The following TRIO variants were observed in gnomAD, a reference collection of about 807,000 sequenced individuals.
The protein encoded by TRIO is triple functional domain protein.
Under a neutral mutation model 351.9 loss-of-function variants are expected in TRIO, and 58 were observed. That is an observed-to-expected ratio of 0.16 (90% CI 0.13 to 0.21). The LOEUF (loss-of-function observed/expected upper bound fraction) is 0.21, where lower values mean the gene tolerates loss of function less well. TRIO is among the 10% of genes least tolerant of loss of function. The pLI is 1.00. For synonymous variants in TRIO, 1,758 were observed against 1,595.7 expected (o/e 1.10, Z -2.42); for missense variants, 3,201 against 4,027.8 (o/e 0.79, Z 5.56).
chr5:14,270,125 C>T (rs145476838), intron 1 of TRIO, among the ~76,000 whole-genome samples: 4 of 152,346 alleles, frequency 2.6e-5, no homozygotes, highest in Non-Finnish European at 4.4e-5. Context: ...TTGCCTATTG[C>T]ATGCTCCTTT....
At chr5:14,488,553 T>C (rs2126642878) in intron 48 of TRIO, 1 of 524,482 alleles carries the variant, frequency 1.9e-6, no homozygotes, top group Non-Finnish European at 3.3e-6. Context: ...GGAACTTTCT[T>C]TTTTAACCTC....
At chr5:14,148,084 A>T (rs1032133408) in intron 1 of TRIO, among the ~76,000 whole-genome samples, 10 of 152,334 alleles carry the variant, frequency 6.6e-5, no homozygotes, top group African/African-American at 2.2e-4. Context: ...AAACCGACAT[A>T]TTGATGTGGG....
Position 14,280,316 on chromosome 5 carries a change from T to C in TRIO, c.233-6T>C. 6.2e-7 allele frequency: 1 copy of C among 1,613,488 alleles called. No individual in the cohort carries two copies. Among genetic ancestry groups the C allele is most frequent in the Non-Finnish European group, 8.5e-7 (1 of 1,179,378 alleles). On this transcript the variant is annotated splice_region_variant and splice_polypyrimidine_tract_variant and intron_variant, in intron 2 of 56. Transcript: ENST00000344204. ...TCTAAGTGTATTCCTAATGTTTGTT[T>C]TTTAGGTGGGAGAGATAAACGTGGA... is the stretch of plus-strand genomic sequence containing the variant.
chr5:14,205,358 A>G (rs561625941), intron 1 of TRIO, among the ~76,000 whole-genome samples: 1 of 152,272 alleles, frequency 6.6e-6, no homozygotes, highest in Non-Finnish European at 1.5e-5. Flanking sequence ...CCCGTAATGT[A>G]GCAGCTAACA....
chr5:14,211,965 A>C (rs1791933012), intron 1 of TRIO, among the ~76,000 whole-genome samples: 1 of 7,606 alleles, frequency 1.3e-4, no homozygotes, highest in African/African-American at 2.1e-4. Context: ...AAAAAAAACC[A>C]AAAAAACAAA....
chr5:14,386,174 G>T (rs1268196972), intron 21 of TRIO, among the ~76,000 whole-genome samples: 1 of 152,190 alleles, frequency 6.6e-6, no homozygotes, highest in East Asian at 1.9e-4. Flanking sequence ...CTAAGAGAGT[G>T]GCGTTTATTT....
chr5:14,328,835 G>A (rs944223182), intron 9 of TRIO, among the ~76,000 whole-genome samples: 8 of 152,144 alleles, frequency 5.3e-5, no homozygotes, highest in African/African-American at 1.9e-4. Flanking sequence ...GAAATGGAGG[G>A]GTGGAAATGA....
At chr5:14,403,035 A>AGGGTAC (rs1748230160) in intron 31 of TRIO, among the ~76,000 whole-genome samples, 1 of 114,738 alleles carries the variant, frequency 8.7e-6, no homozygotes, top group Admixed American at 8.3e-5. Flanking sequence ...TGTGGTGGTG[A>AGGGTAC]AGGTGCAGGT....
chr5:14,509,945 T>A lies in TRIO; in HGVS notation c.*1523T>A, dbSNP rs1445932047. On this transcript the variant is annotated 3_prime_UTR_variant, in exon 57 of 57. Transcript: ENST00000344204. Reference sequence around the variant, plus strand: ...CTTCCAGTGTATTTTATTTATTCTTTTGTTGGGTTTTTGTTTGTTTCTTCT... The same window carrying A: ...CTTCCAGTGTATTTTATTTATTCTTATGTTGGGTTTTTGTTTGTTTCTTCT... 6.6e-6 allele frequency: 1 copy of A among 152,264 alleles called. No homozygotes were observed. Among genetic ancestry groups the A allele is most frequent in the Non-Finnish European group, 1.5e-5 (1 of 68,052 alleles). 9.4% of individuals were successfully genotyped at this position (152,264 alleles called of 1,614,324 possible).
chr5:14,207,463 TACACACAC>T (rs70964545), intron 1 of TRIO, among the ~76,000 whole-genome samples: 268 of 23,110 alleles, frequency 0.012, 11 homozygotes, highest in African/African-American at 0.036. Flanking sequence ...ACTGTCTCTC[TACACACAC>T]ACACACACAC....
chr5:14,194,641 G>C (rs1251666913), intron 1 of TRIO, among the ~76,000 whole-genome samples: 1 of 152,216 alleles, frequency 6.6e-6, no homozygotes, highest in Non-Finnish European at 1.5e-5. Context: ...TGAATATTTA[G>C]TCATTGCCAG....
chr5:14,187,632 G>A (rs949985613), intron 1 of TRIO, among the ~76,000 whole-genome samples: 26 of 152,272 alleles, frequency 1.7e-4, no homozygotes, highest in African/African-American at 4.8e-4. Context: ...GAGCAAAAGC[G>A]AATATTTCTA....
rs76146865 is a variant in TRIO, at chr5:14,187,142, C to T, written c.157+43260C>T. Among the ~76,000 whole-genome samples, 10 of 152,256 alleles carry T rather than the reference C, an allele frequency of 6.6e-5. No homozygotes were observed. In the East Asian group the frequency reaches 1.7e-3, roughly 26 times the overall value. On this transcript the variant is annotated intron_variant, in intron 1 of 56. Coordinates refer to ENST00000344204, the MANE Select transcript of TRIO (RefSeq NM_007118.4). ...GCTAGTATTTTAGGGAATGTCGGTT[C>T]TGGTCTCTCTTACGTGTCTAATTAT...
intron 1 of TRIO, among the ~76,000 whole-genome samples, chr5:14,181,388 G>GAACT (rs1300163251): frequency 6.6e-6 from 1 of 152,194 alleles, no homozygotes; most frequent in Non-Finnish European, 1.5e-5. Context: ...CAAATCTGTA[G>GAACT]AACTAGTTAT....
intron 33 of TRIO, among the ~76,000 whole-genome samples, chr5:14,410,610 T>C (rs564722445): frequency 1.3e-5 from 2 of 152,320 alleles, no homozygotes; most frequent in East Asian, 3.9e-4. Context: ...TAATTTATGA[T>C]GTCTGTTATT....
intron 3 of TRIO, among the ~76,000 whole-genome samples, chr5:14,282,794 G>A (rs889249736): frequency 4.6e-5 from 7 of 152,150 alleles, no homozygotes; most frequent in Non-Finnish European, 1.0e-4. Context: ...CCACTGAACA[G>A]TCTCTTCATG....
intron 1 of TRIO, among the ~76,000 whole-genome samples, chr5:14,208,459 C>A (rs397098): frequency 0.81 from 122,739 of 152,234 alleles, 50,096 homozygotes; most frequent in East Asian, 0.99. Flanking sequence ...CAGAAAAAGC[C>A]AAATTAGGCA....
Position 14,497,044 on chromosome 5 carries a change from G to T in TRIO, c.8019+27G>T. The T allele has an allele frequency of 1.2e-6, 2 of 1,611,728 alleles. No individual in the cohort carries two copies. On this transcript the variant is annotated intron_variant, in intron 50 of 56. Coordinates refer to ENST00000344204, the MANE Select transcript of TRIO (RefSeq NM_007118.4). The surrounding 1 kb of genome is among the most constrained non-coding windows in gnomAD (Gnocchi z 4.4). ...TGTGTTCGGGGGTCTTCAGGAGTCC[G>T]TGTCATCCCAGCATGAGAGAAAGGA...
chr5:14,317,148 A>G (rs987279035), intron 9 of TRIO, among the ~76,000 whole-genome samples: 2 of 152,232 alleles, frequency 1.3e-5, no homozygotes, highest in Admixed American at 1.3e-4. Flanking sequence ...AGTGCAGTCC[A>G]TGGTGCACAG....
Sources: allele counts gnomAD v4.1 joint callset (sites outside exome capture counted in the v4.1 genomes callset), GRCh38; gene constraint gnomAD v4.1.1; non-coding constraint Gnocchi (gnomAD v3.1); transcripts MANE v1.5; gene names NCBI Gene and HGNC (gene_info 2026-07-23, HGNC 2026-07-21).